The following MICAL3 variants were observed in gnomAD, a reference collection of about 807,000 sequenced individuals.
The protein encoded by MICAL3 is microtubule associated monooxygenase, calponin and LIM domain containing 3, also known as [F-actin]-monooxygenase MICAL3.
Under a neutral mutation model 207.4 loss-of-function variants are expected in MICAL3, and 62 were observed. The observed-to-expected ratio is 0.30, with a 90% CI of 0.24 to 0.37. MICAL3 has a LOEUF of 0.37. MICAL3 is among the 10% of genes least tolerant of loss of function. MICAL3 has a pLI of 1.00. For missense variants in MICAL3, 2,368 were observed against 2,635.6 expected (o/e 0.90, Z 2.22); for synonymous variants, 1,077 against 1,069.3 (o/e 1.01, Z -0.14).
At chr22:17,956,338 T>G (rs1386398756) in intron 1 of MICAL3, among the ~76,000 whole-genome samples, 1 of 152,116 alleles carries the variant, frequency 6.6e-6, no homozygotes, top group Non-Finnish European at 1.5e-5. Flanking sequence ...CTCCCAGGTA[T>G]GCCAAGCTTT....
chr22:17,869,050 G>A (rs1390166539), intron 17 of MICAL3, among the ~76,000 whole-genome samples: 2 of 152,200 alleles, frequency 1.3e-5, no homozygotes, highest in Non-Finnish European at 2.9e-5. Context: ...TGGAGACCAG[G>A]GGGTGTGCTC....
At chr22:17,964,953 G>A (rs75343087) in intron 1 of MICAL3, among the ~76,000 whole-genome samples, 2,752 of 152,230 alleles carry the variant, frequency 0.018, 83 homozygotes, top group African/African-American at 0.062. Context: ...TGGGAAAAGG[G>A]GAAAGCAAAC....
intron 29 of MICAL3, among the ~76,000 whole-genome samples, chr22:17,795,677 A>T (rs2061868176): frequency 6.6e-6 from 1 of 152,266 alleles, no homozygotes; most frequent in South Asian, 2.1e-4. Context: ...TCCTAGCAAG[A>T]GGCAGAAGCG....
intron 29 of MICAL3, among the ~76,000 whole-genome samples, chr22:17,801,389 G>A (rs1166949487): frequency 4.0e-5 from 2 of 50,134 alleles, no homozygotes; most frequent in Non-Finnish European, 6.6e-5. Context: ...TCCTGACCTC[G>A]TGATCCGCCC....
intron 1 of MICAL3, among the ~76,000 whole-genome samples, chr22:17,939,302 T>C (rs1045491365): frequency 1.3e-5 from 2 of 152,232 alleles, no homozygotes; most frequent in African/African-American, 2.4e-5. Context: ...GTTTCAGGCA[T>C]TCTGTTACAA....
At chr22:17,805,806 G>A (rs2061983505) in intron 29 of MICAL3, among the ~76,000 whole-genome samples, 1 of 152,180 alleles carries the variant, frequency 6.6e-6, no homozygotes, top group Non-Finnish European at 1.5e-5. Flanking sequence ...TCGGCTCACC[G>A]CAACCTCCAC....
intron 19 of MICAL3, among the ~76,000 whole-genome samples, chr22:17,855,456 A>C (rs1264577791): frequency 6.6e-6 from 1 of 152,202 alleles, no homozygotes; most frequent in Non-Finnish European, 1.5e-5. Flanking sequence ...TATAAGCTAG[A>C]AGCAGTTACA....
rs1929838222 is a variant in MICAL3, at chr22:17,886,032, T to C, written c.2087A>G (p.His696Arg). 1 of 1,613,992 alleles carries C rather than the reference T, an allele frequency of 6.2e-7. No homozygotes were observed. The highest frequency in any genetic ancestry group is 8.5e-7 in the Non-Finnish European group (1 of 1,179,886). Residue 696 changes from histidine (H) to arginine (R), a missense_variant, in exon 16 of 32, where the codon CAC (histidine) becomes CGC (arginine). Physicochemically the swap from His to Arg is conservative, Grantham distance 29 (BLOSUM62 0). Around this residue, in one of 4 missense-constraint regions of MICAL3, gnomAD observed 1,770 missense variants for 1,863.2 expected, o/e 0.95. Transcript: ENST00000441493. The stretch of plus-strand genomic sequence containing the variant: ...CACCAGGGTCGGTCTTTCTCCTCTG[T>C]GGCCCCGAGGAGCTTCCTCCTGGTC... ...QSEEEEAPRG[H>R]RGERPTLVST...
At chr22:17,975,300 A>G (rs1935584801) in intron 1 of MICAL3, among the ~76,000 whole-genome samples, 1 of 151,996 alleles carries the variant, frequency 6.6e-6, no homozygotes, top group South Asian at 2.1e-4. Flanking sequence ...TCAAAATTAC[A>G]CTTGCTAGAA....
intron 1 of MICAL3, chr22:18,020,300 C>T (rs1164035002): frequency 6.6e-6 from 1 of 151,928 alleles, no homozygotes; most frequent in Non-Finnish European, 1.5e-5. Context: ...TTTTCCTTCT[C>T]TTAACCTGAA....
chr22:17,797,303 C>T (rs2061886751), intron 29 of MICAL3, among the ~76,000 whole-genome samples: 1 of 152,114 alleles, frequency 6.6e-6, no homozygotes, highest in Non-Finnish European at 1.5e-5. Flanking sequence ...GAGTTCGAGA[C>T]CAGCCTGGGC....
At chr22:17,876,832 AGGTTAGGGAGGTTAGG>A (rs1928507098) in intron 16 of MICAL3, 2 of 129,038 alleles carry the variant, frequency 1.5e-5, no homozygotes, top group African/African-American at 6.7e-5. Context: ...GAGGTTATGG[AGGTTAGGGAGGTTAGG>A]GAGGTTATGG....
In MICAL3 at chr22:17,896,874, C is replaced by T. The variant is rs61739477; in HGVS notation, c.1056G>A (p.Pro352=). 21,679 of 1,614,114 alleles carry T rather than the reference C, an allele frequency of 0.013. 189 individuals are homozygous for T. The highest frequency in any genetic ancestry group is 0.03 in the East Asian group (1,325 of 44,886). The change falls in exon 8 of 32, where the codon CCG becomes CCA. Residue 352 remains proline, a synonymous_variant. Transcript: ENST00000441493. The stretch of plus-strand genomic sequence containing the variant: ...AGTGATTGATGGCAAAATCCAGAGA[C>T]GGCAGCTGCTGCTGGGTAGAGAAGT... The part of the protein sequence containing the change: ...AADFSTQQQL[P]SLDFAINHYG...
chr22:17,859,493 G>A (rs930565482), intron 19 of MICAL3, among the ~76,000 whole-genome samples: 1 of 152,318 alleles, frequency 6.6e-6, no homozygotes, highest in African/African-American at 2.4e-5. Context: ...TGCCAGCAGC[G>A]GTGTGTGTGA....
intron 1 of MICAL3, among the ~76,000 whole-genome samples, chr22:17,948,945 C>A (rs979489575): frequency 3.5e-5 from 5 of 144,522 alleles, no homozygotes; most frequent in Admixed American, 2.1e-4. Flanking sequence ...CACGGTGGGT[C>A]GTGCCTGTAA....
chr22:17,982,717 A>AACATAACATAACATAACATAACAT (rs1935974875), intron 1 of MICAL3, among the ~76,000 whole-genome samples: 2 of 61,556 alleles, frequency 3.2e-5, no homozygotes, highest in Admixed American at 1.6e-4. Context: ...TAACATAACA[A>AACATAACATAACATAACATAACAT]ACATAACATA....
rs1046011107 is a variant in MICAL3, at chr22:17,796,365, G to A, written c.5651-5064C>T. Among the ~76,000 whole-genome samples, 1 of 152,252 alleles carries A rather than the reference G, an allele frequency of 6.6e-6. No homozygotes were observed. The highest frequency in any genetic ancestry group is 2.4e-5 in the African/African-American group (1 of 41,468). ...AGTACACCACCAGGGAGTGAGGCCT[G>A]TCCAGAGCAGCGCATGAGATGGGCA... On this transcript the variant is annotated intron_variant, in intron 29 of 31. Transcript: ENST00000441493. This position sits in a 1 kb window ranked among gnomAD's most constrained non-coding sequence, Gnocchi z 4.4.
chr22:17,965,494 CT>C (rs1935106735), intron 1 of MICAL3, among the ~76,000 whole-genome samples: 1 of 152,206 alleles, frequency 6.6e-6, no homozygotes, highest in Non-Finnish European at 1.5e-5. Context: ...AATAATGGTG[CT>C]GATGAAGATG....
rs1413357594 is a variant in MICAL3, at chr22:18,023,615, C to G, written c.-75+666G>C. On this transcript the variant is annotated intron_variant, in intron 1 of 31. Transcript: ENST00000441493. ...ACACATGCAGCCTCCAGAAGTCATG[C>G]GGCCCCGCCCTCTGCTTCCAGGAGG... 2.0e-5 allele frequency among the ~76,000 whole-genome samples: 3 copies of G among 152,230 alleles called. No individual in the cohort carries two copies. In the East Asian group the frequency reaches 5.8e-4, roughly 29 times the overall value.
Sources: gnomAD v4.1 joint callset for allele counts (sites outside exome capture counted in the v4.1 genomes callset) on GRCh38, gnomAD v4.1.1 for gene constraint, gnomAD v4.1.1 regional missense constraint, Gnocchi (gnomAD v3.1) non-coding constraint, MANE v1.5 for transcripts, NCBI Gene and HGNC (gene_info 2026-07-23, HGNC 2026-07-21) for gene names.